The following HACD2 variants were observed in gnomAD, a reference collection of about 807,000 sequenced individuals.
The protein encoded by HACD2 is very-long-chain (3R)-3-hydroxyacyl-CoA dehydratase 2.
A neutral mutation model predicts 31.0 loss-of-function variants in HACD2; 15 were observed. The observed-to-expected ratio is 0.48, with a 90% CI of 0.32 to 0.75. HACD2 has a LOEUF of 0.75. Among genes scored for constraint, HACD2 ranks in the 30% least tolerant of loss-of-function variants. The pLI is 0.03. For synonymous variants in HACD2, 115 were observed against 122.2 expected (o/e 0.94, Z 0.39); for missense variants, 283 against 313.0 (o/e 0.90, Z 0.72).
At chr3:123,497,359 G>A (rs564914424) in intron 6 of HACD2, among the ~76,000 whole-genome samples, 71 of 152,340 alleles carry the variant, frequency 4.7e-4, no homozygotes, top group Admixed American at 1.1e-3. Context: ...GTCCCTGTGT[G>A]TTGGGGACGA....
intron 6 of HACD2, among the ~76,000 whole-genome samples, 156 bp from the exon 7 acceptor site, chr3:123,495,126 AAC>A (rs982035176): frequency 1.4e-4 from 22 of 152,190 alleles, no homozygotes; most frequent in Non-Finnish European, 3.1e-4. Context: ...AGGAAGAAAA[AAC>A]ACAGAGAGAC....
At chr3:123,560,131 T>A (rs541973019) in intron 3 of HACD2, among the ~76,000 whole-genome samples, 4 of 152,150 alleles carry the variant, frequency 2.6e-5, no homozygotes, top group African/African-American at 7.2e-5. Flanking sequence ...GCTTTGTGTA[T>A]CAGGAGCACA....
chr3:123,513,467 T>C (rs183812874), intron 4 of HACD2, among the ~76,000 whole-genome samples: 23 of 152,308 alleles, frequency 1.5e-4, no homozygotes, highest in Admixed American at 8.5e-4. Context: ...AGGGTAGTCA[T>C]GGCGTGCCTC....
chr3:123,540,629 A>G (rs1402896425), intron 3 of HACD2, among the ~76,000 whole-genome samples: 1 of 152,220 alleles, frequency 6.6e-6, no homozygotes, highest in Non-Finnish European at 1.5e-5. Context: ...TAGCATTCCA[A>G]TAGGAAATTC....
chr3:123,527,667 T>G (rs1298718526), intron 4 of HACD2, among the ~76,000 whole-genome samples: 1 of 152,222 alleles, frequency 6.6e-6, no homozygotes, highest in African/African-American at 2.4e-5. Context: ...ACAAACTGTA[T>G]GCTAAAGTTG....
At chr3:123,518,624 C>G (rs1435129622) in intron 4 of HACD2, among the ~76,000 whole-genome samples, 1 of 152,138 alleles carries the variant, frequency 6.6e-6, no homozygotes, top group African/African-American at 2.4e-5. Context: ...TTCTTTAAAC[C>G]TGACCTAACA....
At chr3:123,513,581 A>C (rs1346148278) in intron 4 of HACD2, among the ~76,000 whole-genome samples, 1 of 152,176 alleles carries the variant, frequency 6.6e-6, no homozygotes, top group Non-Finnish European at 1.5e-5. Context: ...CAAGGCCATG[A>C]GGGACAGGGC....
chr3:123,521,225 AG>A (rs2056210728), intron 4 of HACD2, among the ~76,000 whole-genome samples: 1 of 152,154 alleles, frequency 6.6e-6, no homozygotes, highest in East Asian at 1.9e-4. Context: ...ATTAAATGAG[AG>A]GGGGTTAGTA....
intron 3 of HACD2, among the ~76,000 whole-genome samples, chr3:123,552,707 T>C (rs2056632269): frequency 6.6e-6 from 1 of 151,926 alleles, no homozygotes; most frequent in Admixed American, 6.6e-5. Context: ...AAAATACATG[T>C]TTAATCAATT....
At chr3:123,584,751 C>A in intron 1 of HACD2, 122 bp downstream of exon 1, 1 of 749,080 alleles carries the variant, frequency 1.3e-6, no homozygotes. Flanking sequence ...GGGTCCCGGG[C>A]ACCCCCCGCC....
chr3:123,514,348 G>C (rs372692972), intron 4 of HACD2, among the ~76,000 whole-genome samples: 2 of 152,244 alleles, frequency 1.3e-5, no homozygotes. Flanking sequence ...GGGAATCTGA[G>C]TGAAGAGAAT....
chr3:123,503,541 CTA>C (rs1231195448), intron 4 of HACD2, among the ~76,000 whole-genome samples: 3 of 151,928 alleles, frequency 2.0e-5, no homozygotes, highest in Non-Finnish European at 4.4e-5. Flanking sequence ...AAAAGAGCCC[CTA>C]GGTGATTTTT....
In HACD2 at chr3:123,571,124, T is replaced by C. The variant is rs76500290; in HGVS notation, c.274-3344A>G. The stretch of plus-strand genomic sequence containing the variant: ...ATCCTTTTCAACTAAATATGCAAAC[T>C]AGAAATGCTGTAATGCTTACAGAAC... On this transcript the variant is annotated intron_variant, in intron 2 of 6. Coordinates refer to ENST00000383657, the MANE Select transcript of HACD2 (RefSeq NM_198402.5). Among the ~76,000 whole-genome samples the C allele has an allele frequency of 8.7e-4, 132 of 152,306 alleles. 1 individual carries two copies. In the East Asian group the frequency reaches 0.02, roughly 23 times the overall value.
In HACD2 at chr3:123,572,662, T is replaced by C. The variant is rs377096280; in HGVS notation, c.274-4882A>G. Among the ~76,000 whole-genome samples, 23 of 152,338 alleles carry C rather than the reference T, an allele frequency of 1.5e-4. 1 individual carries two copies. The East Asian group carries it at 4.4e-3, about 29-fold the overall frequency. ...ATTACTTGGAAACATCTTTTCAAAG[T>C]TTCTAAAATTTGAACTAGGGGAATT... On this transcript the variant is annotated intron_variant, in intron 2 of 6. Coordinates refer to ENST00000383657, the MANE Select transcript of HACD2 (RefSeq NM_198402.5).
chr3:123,515,948 C>T (rs572900299), intron 4 of HACD2, among the ~76,000 whole-genome samples: 1 of 151,852 alleles, frequency 6.6e-6, no homozygotes, highest in Non-Finnish European at 1.5e-5. Context: ...TTGGTGGAGA[C>T]GGGGTTTCAC....
At chr3:123,511,430 T>C (rs1009881489) in intron 4 of HACD2, among the ~76,000 whole-genome samples, 15 of 152,146 alleles carry the variant, frequency 9.9e-5, no homozygotes, top group Middle Eastern at 3.2e-3. Flanking sequence ...GAAGGAACCC[T>C]ATACAAGAAG....
intron 4 of HACD2, among the ~76,000 whole-genome samples, chr3:123,516,298 ATCT>A (rs2056135941): frequency 1.4e-5 from 2 of 147,094 alleles, no homozygotes; most frequent in African/African-American, 2.5e-5. Flanking sequence ...CAGTGGCATG[ATCT>A]TCTGCTCACT....
intron 3 of HACD2, among the ~76,000 whole-genome samples, chr3:123,537,018 T>A (rs1318348187): frequency 1.3e-5 from 2 of 152,180 alleles, no homozygotes; most frequent in Non-Finnish European, 2.9e-5. Context: ...AAAATGCCCA[T>A]GGTGGGCACT....
At position 123,494,927 on chromosome 3, in the gene HACD2, C is replaced by T. The variant is rs768324602; in HGVS notation, c.726G>A (p.Lys242=). The change falls in exon 7 of 7, where the codon AAG becomes AAA. Residue 242 remains lysine, a synonymous_variant. Transcript: ENST00000383657. ...TGTGTTCTTCAGTATGAGAAAGGAT[C>T]TTTCTTCTCTGGTGTATCATGTGGA... is the stretch of plus-strand genomic sequence containing the variant. ...LYFHMIHQRR[K]ILSHTEEHKK... is the part of the protein sequence containing the mutation. 2.6e-6 allele frequency: 4 copies of T among 1,561,188 alleles called. No individual in the cohort carries two copies. In the East Asian group the frequency reaches 9.4e-5, roughly 37 times the overall value.
Sources: allele counts gnomAD v4.1 joint callset (sites outside exome capture counted in the v4.1 genomes callset), GRCh38; gene constraint gnomAD v4.1.1; transcripts MANE v1.5; gene names NCBI Gene and HGNC (gene_info 2026-07-23, HGNC 2026-07-21).